The following CPNE8 variants were observed in gnomAD, a reference collection of about 807,000 sequenced individuals.
The protein encoded by CPNE8 is copine 8.
CPNE8 carries 45 observed loss-of-function variants against 81.5 expected under a neutral mutation model. The observed-to-expected ratio is 0.55, with a 90% CI of 0.44 to 0.71. The LOEUF (loss-of-function observed/expected upper bound fraction) is 0.71. Ranked by LOEUF, CPNE8 falls within the 30% of genes least tolerant of loss-of-function variation. The pLI, the probability that CPNE8 is intolerant of heterozygous loss-of-function variation, is 0.00. For synonymous variants in CPNE8, 252 were observed against 226.3 expected (o/e 1.11, Z -1.02); for missense variants, 594 against 672.1 (o/e 0.88, Z 1.28).
intron 6 of CPNE8, among the ~76,000 whole-genome samples, chr12:38,793,277 A>G (rs1942372410): frequency 6.6e-6 from 1 of 151,282 alleles, no homozygotes; most frequent in Non-Finnish European, 1.5e-5. Context: ...AAGAAATAAA[A>G]TTATCTCTGT....
At chr12:38,812,687 T>A (rs1217799897) in intron 6 of CPNE8, among the ~76,000 whole-genome samples, 1 of 152,106 alleles carries the variant, frequency 6.6e-6, no homozygotes, top group African/African-American at 2.4e-5. Context: ...GGTGTTTAAG[T>A]CATGAGGGCT....
chr12:38,749,006 T>C (rs1941298057), intron 10 of CPNE8, among the ~76,000 whole-genome samples: 1 of 152,174 alleles, frequency 6.6e-6, no homozygotes, highest in Non-Finnish European at 1.5e-5. Flanking sequence ...GTAGTTGACA[T>C]GGTTTGGCTC....
chr12:38,796,879 G>A (rs187731681), intron 6 of CPNE8, among the ~76,000 whole-genome samples: 275 of 152,264 alleles, frequency 1.8e-3, no homozygotes, highest in African/African-American at 6.0e-3. Context: ...AAAAAATGGC[G>A]CACCAGGAGA....
intron 10 of CPNE8, among the ~76,000 whole-genome samples, chr12:38,742,666 C>T (rs1217076192): frequency 9.3e-6 from 1 of 107,730 alleles, no homozygotes; most frequent in Non-Finnish European, 2.0e-5. Context: ...TACCCTAGAA[C>T]TTAAAATATA....
chr12:38,715,180 G>A (rs560553287), intron 13 of CPNE8, among the ~76,000 whole-genome samples: 1 of 152,018 alleles, frequency 6.6e-6, no homozygotes, highest in Admixed American at 6.5e-5. Flanking sequence ...CAAAATTGCT[G>A]AACAGTTCAC....
chr12:38,902,383 A>G (rs1429773450), intron 1 of CPNE8, among the ~76,000 whole-genome samples: 8 of 86,576 alleles, frequency 9.2e-5, no homozygotes, highest in East Asian at 3.8e-4. Flanking sequence ...AAAGAAAGAA[A>G]AGAAAGAAAG....
At chr12:38,784,089 G>A (rs539673727) in intron 6 of CPNE8, among the ~76,000 whole-genome samples, 21 of 152,324 alleles carry the variant, frequency 1.4e-4, no homozygotes, top group African/African-American at 5.1e-4. Flanking sequence ...AGTAAAAATA[G>A]CTGTTTTGAG....
chr12:38,726,696 A>G (rs1940707183), intron 11 of CPNE8: 1 of 152,186 alleles, frequency 6.6e-6, no homozygotes, highest in South Asian at 2.1e-4. Flanking sequence ...ATATTTCAGC[A>G]TTTTTCCACC....
At chr12:38,681,289 G>C (rs1000545358) in intron 16 of CPNE8, among the ~76,000 whole-genome samples, 1 of 151,792 alleles carries the variant, frequency 6.6e-6, no homozygotes, top group Non-Finnish European at 1.5e-5. Flanking sequence ...ATTAATCAGG[G>C]GATGCTTAAA....
chr12:38,724,746 C>T (rs952312766), intron 12 of CPNE8, 100 bp downstream of exon 12: 3 of 780,660 alleles, frequency 3.8e-6, no homozygotes, highest in Non-Finnish European at 6.0e-6. Flanking sequence ...AAACACAGCT[C>T]AGTTTTTTTA....
At chr12:38,796,105 T>A (rs1400116665) in intron 6 of CPNE8, among the ~76,000 whole-genome samples, 1 of 151,960 alleles carries the variant, frequency 6.6e-6, no homozygotes, top group Non-Finnish European at 1.5e-5. Context: ...ACCACAAATA[T>A]AACATGGCCA....
At chr12:38,695,667 C>G (rs879269186) in intron 14 of CPNE8, among the ~76,000 whole-genome samples, 2 of 152,088 alleles carry the variant, frequency 1.3e-5, no homozygotes, top group Non-Finnish European at 2.9e-5. Flanking sequence ...TTATTTAACA[C>G]AACTCTCATG....
intron 16 of CPNE8, among the ~76,000 whole-genome samples, chr12:38,680,039 T>A (rs1939376256): frequency 6.6e-6 from 1 of 151,842 alleles, no homozygotes; most frequent in Non-Finnish European, 1.5e-5. Flanking sequence ...AAGCCAGCTG[T>A]CTTTTTTGAA....
intron 6 of CPNE8, among the ~76,000 whole-genome samples, chr12:38,780,699 A>G (rs1468507275): frequency 6.6e-6 from 1 of 152,164 alleles, no homozygotes; most frequent in Non-Finnish European, 1.5e-5. Context: ...AATTGAAACA[A>G]TATCTTCAGT....
At chr12:38,808,635 G>C (rs1487423561) in intron 6 of CPNE8, among the ~76,000 whole-genome samples, 1 of 149,556 alleles carries the variant, frequency 6.7e-6, no homozygotes, top group Non-Finnish European at 1.5e-5. Context: ...GATAGCATTA[G>C]GAGATATATC....
chr12:38,760,931 T>C, intron 9 of CPNE8, 43 bp from the exon 10 acceptor site: 1 of 1,363,132 alleles, frequency 7.3e-7, no homozygotes, highest in South Asian at 1.3e-5. Context: ...CTTAGTAAGA[T>C]CAAAATAATG....
intron 19 of CPNE8, among the ~76,000 whole-genome samples, chr12:38,664,285 C>A (rs968518196): frequency 2.0e-5 from 3 of 151,770 alleles, no homozygotes; most frequent in African/African-American, 7.3e-5. Flanking sequence ...TTACAGAATA[C>A]CTATTTCATT....
In CPNE8 at chr12:38,688,000, T is replaced by C. The variant is rs73095569; in HGVS notation, c.1144-2383A>G. Reference sequence around the variant, plus strand: ...TATTTAACATTCCTTTAAGGTTTTATGGTGCTCTTTTCCCTTGATAAGGTA... The same window carrying C: ...TATTTAACATTCCTTTAAGGTTTTACGGTGCTCTTTTCCCTTGATAAGGTA... On this transcript the variant is annotated intron_variant, in intron 15 of 19. Transcript: ENST00000331366. 7.4e-3 allele frequency among the ~76,000 whole-genome samples: 1,125 copies of C among 152,348 alleles called. 11 individuals carry two copies. Among genetic ancestry groups the C allele is most frequent in the African/African-American group, 0.021 (860 of 41,578 alleles).
At chr12:38,794,970 T>C (rs1942421698) in intron 6 of CPNE8, among the ~76,000 whole-genome samples, 1 of 152,196 alleles carries the variant, frequency 6.6e-6, no homozygotes, top group Admixed American at 6.5e-5. Flanking sequence ...GGGAGACCCT[T>C]ACTTGCTGAA....
Sources: gnomAD v4.1 joint callset for allele counts (sites outside exome capture counted in the v4.1 genomes callset) on GRCh38, gnomAD v4.1.1 for gene constraint, MANE v1.5 for transcripts, NCBI Gene and HGNC (gene_info 2026-07-23, HGNC 2026-07-21) for gene names.